Variants in PROX1 observed in about 807,000 individuals in gnomAD.
PROX1 encodes prospero homeobox protein 1.
A neutral mutation model predicts 58.8 loss-of-function variants in PROX1; 7 were observed. The observed-to-expected ratio is 0.12, with a 90% confidence interval of 0.07 to 0.22. The LOEUF (loss-of-function observed/expected upper bound fraction) is 0.22. Ranked by LOEUF, PROX1 falls within the 10% of genes least tolerant of loss-of-function variation. The probability of loss-of-function intolerance (pLI) is 1.00; values close to 1 mark genes in which losing one functional copy is unlikely to be tolerated. For synonymous variants in PROX1, 350 were observed against 358.3 expected (o/e 0.98, Z 0.26); for missense variants, 675 against 927.8 (o/e 0.73, Z 3.54).
Position 213,996,682 on chromosome 1 carries a change from T to A in PROX1, c.147T>A (p.Gly49=), listed in dbSNP as rs1299974200. Residue 49 remains glycine (G), a synonymous_variant, in exon 2 of 5, where the codon GGT becomes GGA. Coordinates refer to ENST00000366958, the MANE Select transcript of PROX1 (RefSeq NM_001270616.2). ...TTTTTAGTGCCATGAATCCCCAAGG[T>A]TCTGAGCAGGATGTTGAGTATTCAG... ...ATFFSAMNPQ[G]SEQDVEYSVV... The A allele has an allele frequency of 6.2e-7, 1 of 1,614,058 alleles. No homozygotes were observed. The highest frequency in any genetic ancestry group is 1.3e-5 in the African/African-American group (1 of 74,906).
intron 4 of PROX1, among the ~76,000 whole-genome samples, chr1:214,032,921 C>G (rs1240588790): frequency 2.0e-5 from 3 of 152,158 alleles, no homozygotes; most frequent in Admixed American, 6.5e-5. Context: ...ACAAGCATGA[C>G]GAACTATAAA....
At chr1:213,983,626 A>G (rs573335619), upstream of PROX1, among the ~76,000 whole-genome samples, 1 of 152,272 alleles carries the variant, frequency 6.6e-6, no homozygotes, top group East Asian at 1.9e-4. Context: ...TGAACCAAAG[A>G]TGGTGGGCAA....
In PROX1 at chr1:214,035,953, G is replaced by T; in HGVS notation, c.*119G>T. On this transcript the variant is annotated 3_prime_UTR_variant, in exon 5 of 5. Coordinates refer to ENST00000366958, the MANE Select transcript of PROX1 (RefSeq NM_001270616.2). ...TGTATGGGAGGCATGGATATGTTAT[G>T]AAATCAGCTGGTAATTCCTCCTCAT... 1.3e-6 allele frequency: 1 copy of T among 793,474 alleles called. No individual in the cohort carries two copies. The highest frequency in any genetic ancestry group is 1.8e-6 in the Non-Finnish European group (1 of 552,938). 49.2% of individuals were successfully genotyped at this position (793,474 alleles called of 1,614,324 possible). A position where few individuals can be genotyped will look rare whatever the true frequency, so the allele number is the denominator to read the frequency against.
chr1:214,015,191 A>T (rs1664051226), intron 4 of PROX1, among the ~76,000 whole-genome samples: 1 of 152,038 alleles, frequency 6.6e-6, no homozygotes, highest in South Asian at 2.1e-4. Context: ...TACGAAATAC[A>T]CTTTTAGTTT....
intron 1 of PROX1, among the ~76,000 whole-genome samples, chr1:213,995,137 T>C (rs1663212218): frequency 6.6e-6 from 1 of 152,044 alleles, no homozygotes; most frequent in Non-Finnish European, 1.5e-5. Context: ...CCTGTTATTG[T>C]GAAGATGTGC....
At chr1:214,001,422 T>C (rs1663505655) in intron 2 of PROX1, among the ~76,000 whole-genome samples, 2 of 152,228 alleles carry the variant, frequency 1.3e-5, no homozygotes, top group African/African-American at 4.8e-5. Context: ...TTGCTTTTCT[T>C]CATGATGTTC....
At position 213,996,691 on chromosome 1, in the gene PROX1, G is replaced by A. The variant is rs192517068; in HGVS notation, c.156G>A (p.Gln52=). 5.6e-5 allele frequency: 90 copies of A among 1,614,234 alleles called. No homozygotes were observed. The highest frequency in any genetic ancestry group is 2.7e-5 in the Non-Finnish European group (32 of 1,180,048). Residue 52 remains glutamine (Q), a synonymous_variant, in exon 2 of 5, where the codon CAG becomes CAA. Coordinates refer to ENST00000366958, the MANE Select transcript of PROX1 (RefSeq NM_001270616.2). Reference sequence around the variant, plus strand: ...CCATGAATCCCCAAGGTTCTGAGCAGGATGTTGAGTATTCAGTGGTGCAGC... The same window carrying A: ...CCATGAATCCCCAAGGTTCTGAGCAAGATGTTGAGTATTCAGTGGTGCAGC... The part of the protein sequence containing the change: ...FSAMNPQGSE[Q]DVEYSVVQHA...
In PROX1 at chr1:213,997,978, C is replaced by T; in HGVS notation, c.1443C>T (p.Arg481=). 1 of 1,613,938 alleles carries T rather than the reference C, an allele frequency of 6.2e-7. No homozygotes were observed. Among genetic ancestry groups the T allele is most frequent in the Non-Finnish European group, 8.5e-7 (1 of 1,179,892 alleles). The change falls in exon 2 of 5, where the codon CGC becomes CGT. Residue 481 remains arginine (R), a synonymous_variant. Coordinates refer to ENST00000366958, the MANE Select transcript of PROX1 (RefSeq NM_001270616.2). This position sits in a 1 kb window ranked among gnomAD's most constrained non-coding sequence, Gnocchi z 7.1. ...CGGGCTTCACCACGTCCACCTTCCG[C>T]CACCCCTTCCCCCTTCCCTTGATGG... ...ATTGFTTSTF[R]HPFPLPLMAY...
Position 214,035,816 on chromosome 1 carries a change from A to G in PROX1, c.2196A>G (p.Gln732=). 6 of 1,611,744 alleles carry G rather than the reference A, an allele frequency of 3.7e-6. No individual in the cohort carries two copies. Among genetic ancestry groups the G allele is most frequent in the Non-Finnish European group, 5.1e-6 (6 of 1,179,076 alleles). Residue 732 remains glutamine, a synonymous_variant, in exon 5 of 5, where the codon CAA becomes CAG. Coordinates refer to ENST00000366958, the MANE Select transcript of PROX1 (RefSeq NM_001270616.2). ...PEIFKSPNCL[Q]ELLHE ...TTTTCAAATCCCCGAACTGCCTACA[A>G]GAGCTGCTTCATGAGTAGAAATTTC...
chr1:214,001,643 G>A (rs1330146951), intron 2 of PROX1, among the ~76,000 whole-genome samples: 1 of 152,088 alleles, frequency 6.6e-6, no homozygotes, highest in African/African-American at 2.4e-5. Flanking sequence ...AAGGAAAATG[G>A]TTTAGTAATT....
chr1:214,010,088 G>A (rs977289829), intron 3 of PROX1, among the ~76,000 whole-genome samples: 4 of 152,096 alleles, frequency 2.6e-5, no homozygotes, highest in African/African-American at 4.8e-5. Context: ...CTTTTTAATC[G>A]GGTTCCCCGC....
chr1:214,022,927 T>G (rs1664331622), intron 4 of PROX1, among the ~76,000 whole-genome samples: 1 of 152,166 alleles, frequency 6.6e-6, no homozygotes, highest in Non-Finnish European at 1.5e-5. Flanking sequence ...CCAGATGGCT[T>G]CCATGTGAGG....
At position 214,035,877 on chromosome 1, in the gene PROX1, C is replaced by T; in HGVS notation, c.*43C>T. 1 of 1,535,128 alleles carries T rather than the reference C, an allele frequency of 6.5e-7. No individual in the cohort carries two copies. Among genetic ancestry groups the T allele is most frequent in the South Asian group, 1.2e-5 (1 of 80,342 alleles). On this transcript the variant is annotated 3_prime_UTR_variant, in exon 5 of 5. Coordinates refer to ENST00000366958, the MANE Select transcript of PROX1 (RefSeq NM_001270616.2). ...TTTGAATGTATGAAGAGTAGCAGTC[C>T]CCTTTGGATGTCCAAGTTATATGTG... is the stretch of plus-strand genomic sequence containing the variant.
intron 2 of PROX1, among the ~76,000 whole-genome samples, chr1:214,001,320 G>A (rs1020256804): frequency 1.1e-4 from 17 of 152,050 alleles, no homozygotes; most frequent in Non-Finnish European, 2.1e-4. Flanking sequence ...CTCATGTCTT[G>A]GATTTTAAAA....
At chr1:214,024,941 A>G (rs1366118739) in intron 4 of PROX1, among the ~76,000 whole-genome samples, 2 of 152,186 alleles carry the variant, frequency 1.3e-5, no homozygotes, top group Admixed American at 1.3e-4. Flanking sequence ...GAACTCAGAC[A>G]CCAATGGCAC....
intron 4 of PROX1, among the ~76,000 whole-genome samples, chr1:214,018,238 T>C (rs1345380554): frequency 6.6e-6 from 1 of 152,236 alleles, no homozygotes; most frequent in African/African-American, 2.4e-5. Context: ...TGGTTCTTTG[T>C]CAGTCACAGG....
chr1:214,010,986 CA>C (rs1416847983), intron 3 of PROX1, among the ~76,000 whole-genome samples: 2 of 151,746 alleles, frequency 1.3e-5, no homozygotes, highest in African/African-American at 2.4e-5. Context: ...CACTCATTGC[CA>C]AAAAAATAAG....
At chr1:213,994,190 G>A (rs111610833) in intron 1 of PROX1, among the ~76,000 whole-genome samples, 124 of 152,328 alleles carry the variant, frequency 8.1e-4, no homozygotes, top group African/African-American at 2.8e-3. Flanking sequence ...TGGCAGAGCT[G>A]CTCTTCCCAC....
chr1:214,005,033 T>C (rs1384229370), intron 2 of PROX1, 132 bp from the exon 3 acceptor site: 5 of 587,818 alleles, frequency 8.5e-6, no homozygotes, highest in East Asian at 6.0e-5. Context: ...CCATAGCCAG[T>C]GTCATATACC....
Sources: gnomAD v4.1 joint callset for allele counts (sites outside exome capture counted in the v4.1 genomes callset) on GRCh38, gnomAD v4.1.1 for gene constraint, Gnocchi (gnomAD v3.1) non-coding constraint, MANE v1.5 for transcripts, NCBI Gene and HGNC (gene_info 2026-07-23, HGNC 2026-07-21) for gene names.